The following RPAP2 variants were observed in gnomAD, a reference collection of about 807,000 sequenced individuals.
The protein encoded by RPAP2 is RNA polymerase II associated protein 2.
A neutral mutation model predicts 73.1 loss-of-function variants in RPAP2; 52 were observed. The ratio of observed to expected loss-of-function variants is 0.71; its 90% CI spans 0.57 to 0.90. The LOEUF (loss-of-function observed/expected upper bound fraction) is 0.90. RPAP2 is among the 40% of genes least tolerant of loss of function. RPAP2 has a pLI of 0.00. For missense variants in RPAP2, 598 were observed against 701.8 expected (o/e 0.85, Z 1.67); for synonymous variants, 225 against 242.1 (o/e 0.93, Z 0.65).
At chr1:92,370,462 C>A (rs1308792213) in intron 11 of RPAP2, among the ~76,000 whole-genome samples, 1 of 152,056 alleles carries the variant, frequency 6.6e-6, no homozygotes, top group African/African-American at 2.4e-5. Flanking sequence ...CGTACCCCCC[C>A]ACCAAAAACA....
chr1:92,326,127 C>T (rs1571063528), intron 8 of RPAP2, among the ~76,000 whole-genome samples: 3 of 151,452 alleles, frequency 2.0e-5, no homozygotes, highest in South Asian at 2.1e-4. Context: ...GTGGTTGTAC[C>T]GGTTTACAGT....
chr1:92,368,305 G>A (rs1655006067), intron 11 of RPAP2, among the ~76,000 whole-genome samples: 1 of 152,172 alleles, frequency 6.6e-6, no homozygotes, highest in Non-Finnish European at 1.5e-5. Flanking sequence ...CCTGAACCCA[G>A]GAGGCAGAAG....
intron 11 of RPAP2, among the ~76,000 whole-genome samples, chr1:92,371,632 T>C (rs1014686170): frequency 2.6e-5 from 4 of 151,874 alleles, no homozygotes; most frequent in African/African-American, 9.7e-5. Flanking sequence ...AATCCTGTTA[T>C]TTGTGACGAC....
In RPAP2 at chr1:92,307,039, G is replaced by T. The variant is rs1651288804; in HGVS notation, c.400-149G>T. ...GAAGGGGCACATAGAGGCCTTCAAA[G>T]GTTCAGTATCTTATTTCTTACCTTG... On this transcript the variant is annotated intron_variant, in intron 5 of 12. Coordinates refer to ENST00000610020, the MANE Select transcript of RPAP2 (RefSeq NM_024813.3). The T allele has an allele frequency of 1.4e-5, 8 of 591,462 alleles. No homozygotes were observed. The South Asian group carries it at 1.8e-4, about 14-fold the overall frequency. The allele number at this position is 591,462 out of a possible 1,614,324, so 36.6% of individuals were successfully genotyped here. A position where few individuals can be genotyped will look rare whatever the true frequency, so the allele number is the denominator to read the frequency against.
At chr1:92,312,824 CCTTTTTT>C (rs1474685295) in intron 6 of RPAP2, among the ~76,000 whole-genome samples, 1 of 146,526 alleles carries the variant, frequency 6.8e-6, no homozygotes, top group Non-Finnish European at 1.5e-5. Flanking sequence ...TTTTTTTTTT[CCTTTTTT>C]CTTTTTTTCA....
intron 8 of RPAP2, among the ~76,000 whole-genome samples, chr1:92,330,815 C>T (rs1192497446): frequency 6.6e-6 from 1 of 152,144 alleles, no homozygotes; most frequent in African/African-American, 2.4e-5. Context: ...CAAAGATAGA[C>T]TAATACAGTG....
chr1:92,352,536 T>G (rs1002829908), intron 11 of RPAP2, among the ~76,000 whole-genome samples: 5 of 152,188 alleles, frequency 3.3e-5, no homozygotes, highest in Non-Finnish European at 5.9e-5. Flanking sequence ...CCTTAGAAAT[T>G]TATTGGTTAC....
Position 92,324,153 on chromosome 1 carries a change from C to T in RPAP2, c.1233C>T (p.Asp411=), listed in dbSNP as rs756718155. ...TTAAAGAAGAACTTGATGAAGATGA[C>T]ATAATCTCAGATCCAGATAGTCATT... ...SLVKEELDED[D]IISDPDSHFP... Residue 411 remains aspartate, a synonymous_variant, in exon 8 of 13, where the codon GAC becomes GAT. Transcript: ENST00000610020. 1.5e-5 allele frequency: 24 copies of T among 1,613,984 alleles called. 1 individual carries two copies. The Admixed American group carries it at 4.0e-4, about 27-fold the overall frequency.
At chr1:92,324,732 G>T (rs1054876675) in intron 8 of RPAP2, among the ~76,000 whole-genome samples, 1 of 151,962 alleles carries the variant, frequency 6.6e-6, no homozygotes, top group African/African-American at 2.4e-5. Context: ...CATGGGGTCT[G>T]TGTGTGTGTG....
At chr1:92,309,439 T>TTA (rs1651446742) in intron 6 of RPAP2, among the ~76,000 whole-genome samples, 1 of 32,950 alleles carries the variant, frequency 3.0e-5, no homozygotes, top group Non-Finnish European at 4.9e-5. Context: ...AGACTCCATC[T>TTA]CAAAAAAAAA....
rs1650654390 is a variant in RPAP2, at chr1:92,299,650, AG to A, written c.73+505del. 7.2e-5 allele frequency among the ~76,000 whole-genome samples: 11 copies of A among 152,324 alleles called. No homozygotes were observed. The South Asian group carries it at 2.1e-3, about 29-fold the overall frequency. ...GTTAATTAAGCAACTATGATACAGA[AG>A]AAAATTCAATCCCCAAAGAGATACA... On this transcript the variant is annotated intron_variant, in intron 1 of 12. Coordinates refer to ENST00000610020, the MANE Select transcript of RPAP2 (RefSeq NM_024813.3).
rs1656038302 is a variant in RPAP2 at position 92,391,447 on chromosome 1, A to T, written c.*4436A>T. 1 of 152,260 alleles carries T rather than the reference A, an allele frequency of 6.6e-6. No individual in the cohort carries two copies. Among genetic ancestry groups the T allele is most frequent in the Admixed American group, 6.5e-5 (1 of 15,284 alleles). 9.4% of individuals were successfully genotyped at this position (152,260 alleles called of 1,614,324 possible). ...TGAAAGCAGGAGTGATCTAAAATCA[A>T]CACCCTAACATCACAATTAAAAGAA... On this transcript the variant is annotated 3_prime_UTR_variant, in exon 13 of 13. Transcript: ENST00000610020.
chr1:92,375,552 C>T (rs942245723), intron 11 of RPAP2, among the ~76,000 whole-genome samples: 1 of 152,060 alleles, frequency 6.6e-6, no homozygotes, highest in Non-Finnish European at 1.5e-5. Context: ...AAAAATTGGA[C>T]AGGCGCAGTG....
At chr1:92,326,079 A>G (rs1263520480) in intron 8 of RPAP2, among the ~76,000 whole-genome samples, 1 of 152,028 alleles carries the variant, frequency 6.6e-6, no homozygotes, top group Non-Finnish European at 1.5e-5. Flanking sequence ...ATATGCATAT[A>G]TGCAACTATA....
At chr1:92,371,455 A>T (rs1655151200) in intron 11 of RPAP2, among the ~76,000 whole-genome samples, 1 of 151,950 alleles carries the variant, frequency 6.6e-6, no homozygotes, top group Non-Finnish European at 1.5e-5. Flanking sequence ...TGAAATCAGT[A>T]TGTCAAAGAG....
intron 11 of RPAP2, among the ~76,000 whole-genome samples, chr1:92,365,808 A>C (rs1654911982): frequency 6.6e-6 from 1 of 152,198 alleles, no homozygotes; most frequent in Non-Finnish European, 1.5e-5. Flanking sequence ...TCTTAAAATG[A>C]ATCAGACATG....
rs535054359 is a variant in RPAP2, at chr1:92,304,401, A to G, written c.399+52A>G. The G allele has an allele frequency of 1.2e-4, 115 of 986,764 alleles. No individual in the cohort carries two copies. In the South Asian group the frequency reaches 1.7e-3, roughly 15 times the overall value. The allele number at this position is 986,764 out of a possible 1,614,324, so 61.1% of individuals were successfully genotyped here. ...AATTAATTTTTTTTCTTTACTAACC[A>G]CTATCCTAACAAGGCATGGCAATTA... On this transcript the variant is annotated intron_variant, in intron 5 of 12. Coordinates refer to ENST00000610020, the MANE Select transcript of RPAP2 (RefSeq NM_024813.3).
intron 11 of RPAP2, among the ~76,000 whole-genome samples, chr1:92,350,303 T>C (rs1405883024): frequency 6.6e-6 from 1 of 152,228 alleles, no homozygotes; most frequent in East Asian, 1.9e-4. Context: ...ATTTAATAAA[T>C]GTTACAATTA....
intron 10 of RPAP2, among the ~76,000 whole-genome samples, chr1:92,341,286 G>T (rs1653578951): frequency 6.6e-6 from 1 of 152,108 alleles, no homozygotes; most frequent in African/African-American, 2.4e-5. Flanking sequence ...TGGTATTACA[G>T]GCATGAGCCA....
Sources: gnomAD v4.1 joint callset for allele counts (sites outside exome capture counted in the v4.1 genomes callset) on GRCh38, gnomAD v4.1.1 for gene constraint, MANE v1.5 for transcripts, NCBI Gene and HGNC (gene_info 2026-07-23, HGNC 2026-07-21) for gene names.